The following CELSR1 variants were observed in gnomAD, a reference collection of about 807,000 sequenced individuals.
CELSR1 encodes the protein cadherin EGF LAG seven-pass G-type receptor 1, also known as adhesion G protein-coupled receptor C1.
CELSR1 carries 110 observed loss-of-function variants against 249.1 expected under a neutral mutation model. The ratio of observed to expected loss-of-function variants is 0.44; its 90% confidence interval spans 0.38 to 0.52. CELSR1 has a LOEUF of 0.52. CELSR1 is among the 20% of genes least tolerant of loss of function. The pLI is 0.00. For missense variants in CELSR1, 4,109 were observed against 4,296.4 expected (o/e 0.96, Z 1.22); for synonymous variants, 2,113 against 1,900.0 (o/e 1.11, Z -2.92).
chr22:46,537,159 C>T lies in CELSR1; in HGVS notation c.12G>A (p.Pro4=). ...GCAGCACGGGCAGCACGGGCGGCGG[C>T]GGCGGCGCCATGGCCCGGAGCCCGA... MAP[P]PPPVLPVLLL... is the part of the protein sequence containing the mutation. The change falls in exon 1 of 35, where the codon CCG becomes CCA. Residue 4 remains proline, a synonymous_variant. Transcript: ENST00000674500. The surrounding 1 kb of genome is among the most constrained non-coding windows in gnomAD (Gnocchi z 5.8). The T allele has an allele frequency of 5.9e-6, 6 of 1,024,786 alleles. No homozygotes were observed. Among genetic ancestry groups the T allele is most frequent in the Non-Finnish European group, 7.0e-6 (6 of 857,702 alleles). The allele number at this position is 1,024,786 out of a possible 1,614,324, so 63.5% of individuals were successfully genotyped here.
intron 1 of CELSR1, 111 bp downstream of exon 1, chr22:46,533,516 C>T (rs1359386089): frequency 7.7e-6 from 11 of 1,437,220 alleles, no homozygotes; most frequent in African/African-American, 7.1e-5. Flanking sequence ...CAGAGTTGCC[C>T]GGGCCCGGCC....
Position 46,473,594 on chromosome 22 carries a change from C to T in CELSR1, c.3545-9249G>A, listed in dbSNP as rs920728090. Among the ~76,000 whole-genome samples the T allele has an allele frequency of 2.0e-5, 3 of 152,202 alleles. No homozygotes were observed. The highest frequency in any genetic ancestry group is 4.4e-5 in the Non-Finnish European group (3 of 68,036). On this transcript the variant is annotated intron_variant, in intron 1 of 34. Coordinates refer to ENST00000674500, the MANE Select transcript of CELSR1 (RefSeq NM_001378328.1). The surrounding 1 kb of genome is among the most constrained non-coding windows in gnomAD (Gnocchi z 6.6). ...GCCCCTCGAGGCCTGGTTAGGGCAGCCCATGATGCCCTCGGGGTCCAGAGT... is the reference window on the plus strand; with the variant it reads ...GCCCCTCGAGGCCTGGTTAGGGCAGTCCATGATGCCCTCGGGGTCCAGAGT...
At chr22:46,425,028 CT>C (rs1219835701) in intron 5 of CELSR1, among the ~76,000 whole-genome samples, 3 of 152,188 alleles carry the variant, frequency 2.0e-5, no homozygotes, top group African/African-American at 7.2e-5. Context: ...TAGTATGGTC[CT>C]TTTGGGGGTT....
rs1175342814 is a variant in CELSR1 at position 46,517,827 on chromosome 22, G to A, written c.3544+15800C>T. Among the ~76,000 whole-genome samples the A allele has an allele frequency of 6.6e-6, 1 of 152,028 alleles. No individual in the cohort carries two copies. The highest frequency in any genetic ancestry group is 1.5e-5 in the Non-Finnish European group (1 of 68,022). ...TGAGACCCAGAGGGAAAGGGAGGGT[G>A]AGCTGTCATCTGAAAGCACCCACCA... is the stretch of plus-strand genomic sequence containing the variant. On this transcript the variant is annotated intron_variant, in intron 1 of 34. Transcript: ENST00000674500. This position sits in a 1 kb window ranked among gnomAD's most constrained non-coding sequence, Gnocchi z 5.4.
In CELSR1 at chr22:46,386,459, C is replaced by T; in HGVS notation, c.6682G>A (p.Ala2228Thr). The change falls in exon 19 of 35, where the codon GCA (alanine) becomes ACA (threonine). Residue 2228 changes from alanine to threonine, a missense_variant. By Grantham distance (58) the Ala-to-Thr change is moderately conservative (BLOSUM62 0). Around this residue, in one of 7 missense-constraint regions of CELSR1, gnomAD observed 1,805 missense variants for 1,831.6 expected, o/e 0.99. Coordinates refer to ENST00000674500, the MANE Select transcript of CELSR1 (RefSeq NM_001378328.1). The part of the protein sequence containing the change: ...RRLEGYFSNV[A>T]RNVRRTYLRP... ...AGGTACGTCCGCCGCACGTTGCGTGCCACGTTGCTGAAGTAGCCCTCGAGG... is the reference window on the plus strand; with the variant it reads ...AGGTACGTCCGCCGCACGTTGCGTGTCACGTTGCTGAAGTAGCCCTCGAGG... 1 of 1,603,554 alleles carries T rather than the reference C, an allele frequency of 6.2e-7. No homozygotes were observed. Among genetic ancestry groups the T allele is most frequent in the African/African-American group, 1.3e-5 (1 of 74,726 alleles).
chr22:46,405,729 T>C (rs1184886434), intron 9 of CELSR1, among the ~76,000 whole-genome samples: 1 of 152,094 alleles, frequency 6.6e-6, no homozygotes, highest in African/African-American at 2.4e-5. Flanking sequence ...GCTTGGGCTG[T>C]GGGATTACAA....
chr22:46,528,342 C>CAA (rs1315057385), intron 1 of CELSR1, among the ~76,000 whole-genome samples: 3 of 152,188 alleles, frequency 2.0e-5, no homozygotes, highest in African/African-American at 7.2e-5. Flanking sequence ...GAAGGTTACT[C>CAA]AATCCTGTTA....
At position 46,391,188 on chromosome 22, in the gene CELSR1, A is replaced by G. The variant is rs761549648; in HGVS notation, c.6248T>C (p.Val2083Ala). ...ACACACAGGCCACGGCGACTCACCA[A>G]CGGATCCCTTAGGGCATGGCACCGC... ...PAAVPCPKGSVGNAVRHCSGE... is the reference protein window; with the variant it reads ...PAAVPCPKGSAGNAVRHCSGE... The change falls in exon 16 of 35, where the codon GTT becomes GCT. Residue 2083 changes from valine to alanine, a missense_variant and splice_region_variant. By Grantham distance (64) the Val-to-Ala change is moderately conservative. Around this residue, in one of 7 missense-constraint regions of CELSR1, gnomAD observed 1,805 missense variants for 1,831.6 expected, o/e 0.99. Transcript: ENST00000674500. This position sits in a 1 kb window ranked among gnomAD's most constrained non-coding sequence, Gnocchi z 4.3. 6.2e-7 allele frequency: 1 copy of G among 1,612,026 alleles called. No individual in the cohort carries two copies. Among genetic ancestry groups the G allele is most frequent in the Non-Finnish European group, 8.5e-7 (1 of 1,179,360 alleles).
Position 46,408,205 on chromosome 22 carries a change from C to A in CELSR1, c.5226+791G>T, listed in dbSNP as rs566142302. The stretch of plus-strand genomic sequence containing the variant: ...CAAATAAACTTTTGTTTCAAATAAA[C>A]GAAACAGTAAAGATCAATAAGACAG... On this transcript the variant is annotated intron_variant, in intron 9 of 34. Coordinates refer to ENST00000674500, the MANE Select transcript of CELSR1 (RefSeq NM_001378328.1). The surrounding 1 kb of genome is among the most constrained non-coding windows in gnomAD (Gnocchi z 4.6). Among the ~76,000 whole-genome samples the A allele has an allele frequency of 6.6e-6, 1 of 152,320 alleles. No homozygotes were observed. The highest frequency in any genetic ancestry group is 2.4e-5 in the African/African-American group (1 of 41,570).
chr22:46,419,862 CCCA>C (rs901853144), intron 5 of CELSR1, among the ~76,000 whole-genome samples: 8 of 152,188 alleles, frequency 5.3e-5, no homozygotes, highest in African/African-American at 1.9e-4. Context: ...CGCATTCACA[CCCA>C]CATGTGCACT....
rs1602252438 is a variant in CELSR1, at chr22:46,534,541, G to A, written c.2630C>T (p.Thr877Ile). Residue 877 changes from threonine to isoleucine, a missense_variant, in exon 1 of 35, where the codon ACC (threonine) becomes ATC (isoleucine). Thr to Ile is a moderately conservative substitution (Grantham distance 89). Coordinates refer to ENST00000674500, the MANE Select transcript of CELSR1 (RefSeq NM_001378328.1). The surrounding 1 kb of genome is among the most constrained non-coding windows in gnomAD (Gnocchi z 9.7). The part of the protein sequence containing the change: ...NGIPQKSDTT[T>I]LEILILDAND... ...GGCATCGAGGATGAGGATCTCTAGG[G>A]TGGTGGTGTCTGATTTCTGCGGGAT... The A allele has an allele frequency of 1.2e-6, 2 of 1,613,634 alleles. No individual in the cohort carries two copies. Among genetic ancestry groups the A allele is most frequent in the Non-Finnish European group, 1.7e-6 (2 of 1,180,036 alleles).
chr22:46,398,717 G>A lies in CELSR1; in HGVS notation c.5413-80C>T. 8.7e-7 allele frequency: 1 copy of A among 1,147,308 alleles called. No homozygotes were observed. The highest frequency in any genetic ancestry group is 1.3e-6 in the Non-Finnish European group (1 of 797,458). The allele number at this position is 1,147,308 out of a possible 1,614,324, so 71.1% of individuals were successfully genotyped here. A position where few individuals can be genotyped will look rare whatever the true frequency, so the allele number is the denominator to read the frequency against. ...GTCTCTCAGATGGGAAGGATACACT[G>A]GAAGTCTAAACAGTCACTTCAACAA... On this transcript the variant is annotated intron_variant, in intron 10 of 34. Transcript: ENST00000674500. The surrounding 1 kb of genome is among the most constrained non-coding windows in gnomAD (Gnocchi z 7.2).
intron 5 of CELSR1, among the ~76,000 whole-genome samples, chr22:46,431,956 CT>C (rs2079600935): frequency 6.6e-6 from 1 of 152,230 alleles, no homozygotes; most frequent in Non-Finnish European, 1.5e-5. Context: ...AGCCCAGACC[CT>C]GCCCAGACAC....
rs929512550 is a variant in CELSR1, at chr22:46,413,128, T to G, written c.4612-1369A>C. 6.6e-6 allele frequency among the ~76,000 whole-genome samples: 1 copy of G among 152,252 alleles called. No individual in the cohort carries two copies. Reference sequence around the variant, plus strand: ...TATAAAACGTGGAAATAGATCGTTGTAAAAACGTAGAATTTAATTAAATCA... The same window carrying G: ...TATAAAACGTGGAAATAGATCGTTGGAAAAACGTAGAATTTAATTAAATCA... On this transcript the variant is annotated intron_variant, in intron 5 of 34. Transcript: ENST00000674500. The surrounding 1 kb of genome is among the most constrained non-coding windows in gnomAD (Gnocchi z 4.7).
chr22:46,536,320 A>G lies in CELSR1; in HGVS notation c.851T>C (p.Met284Thr). The G allele has an allele frequency of 6.2e-7, 1 of 1,612,774 alleles. No homozygotes were observed. Among genetic ancestry groups the G allele is most frequent in the Middle Eastern group, 1.6e-4 (1 of 6,062 alleles). The change falls in exon 1 of 35, where the codon ATG (methionine) becomes ACG (threonine). Residue 284 changes from methionine to threonine, a missense_variant. By Grantham distance (81) the Met-to-Thr change is moderately conservative. Transcript: ENST00000674500. ...GGAGCGCTCGTCGAACAGCCCCTCC[A>G]TGTAATAGCTCACGCGCTCCTCCTC... is the stretch of plus-strand genomic sequence containing the variant. ...EGEEERVSYY[M>T]EGLFDERSRG...
At chr22:46,481,311 C>T (rs1461617669) in intron 1 of CELSR1, 2 of 619,492 alleles carry the variant, frequency 3.2e-6, no homozygotes, top group South Asian at 2.2e-5. Flanking sequence ...CCCCGATGGC[C>T]ACTGGCAAAG....
At position 46,451,343 on chromosome 22, in the gene CELSR1, G is replaced by GT. The variant is rs568963819; in HGVS notation, c.4184-11933dup. On this transcript the variant is annotated intron_variant, in intron 2 of 34. Coordinates refer to ENST00000674500, the MANE Select transcript of CELSR1 (RefSeq NM_001378328.1). ...CTTGTCCAGGGCTGGCCTTCTCTGC[G>GT]TGACTGCATTAGTGTCTCTGAAACA... Among the ~76,000 whole-genome samples the GT allele has an allele frequency of 2.6e-5, 4 of 152,348 alleles. No homozygotes were observed. The East Asian group carries it at 7.7e-4, about 29-fold the overall frequency.
chr22:46,369,500 G>A (rs1025499501), intron 26 of CELSR1, among the ~76,000 whole-genome samples, 192 bp downstream of exon 26: 3 of 152,244 alleles, frequency 2.0e-5, no homozygotes, highest in South Asian at 4.1e-4. Context: ...CGGACACGAC[G>A]CGAGACCTGA....
rs1395295615 is a variant in CELSR1 at position 46,517,878 on chromosome 22, T to C, written c.3544+15749A>G. On this transcript the variant is annotated intron_variant, in intron 1 of 34. Coordinates refer to ENST00000674500, the MANE Select transcript of CELSR1 (RefSeq NM_001378328.1). This position sits in a 1 kb window ranked among gnomAD's most constrained non-coding sequence, Gnocchi z 5.4. ...CCCTGTGTCCCCATATTCTGTTTATTACACACCTCCCACGGTGTCCCCTTC... is the reference window on the plus strand; with the variant it reads ...CCCTGTGTCCCCATATTCTGTTTATCACACACCTCCCACGGTGTCCCCTTC... Among the ~76,000 whole-genome samples, 1 of 149,522 alleles carries C rather than the reference T, an allele frequency of 6.7e-6. No individual in the cohort carries two copies. The highest frequency in any genetic ancestry group is 1.5e-5 in the Non-Finnish European group (1 of 67,728).
Sources: gnomAD v4.1 joint callset for allele counts (sites outside exome capture counted in the v4.1 genomes callset) on GRCh38, gnomAD v4.1.1 for gene constraint, gnomAD v4.1.1 regional missense constraint, Gnocchi (gnomAD v3.1) non-coding constraint, MANE v1.5 for transcripts, NCBI Gene and HGNC (gene_info 2026-07-23, HGNC 2026-07-21) for gene names.